EPM2A: variants seen among roughly 807,000 people sequenced by gnomAD.
EPM2A encodes laforin.
EPM2A carries 21 observed loss-of-function variants against 26.5 expected under a neutral mutation model. The observed-to-expected ratio is 0.79, with a 90% CI of 0.56 to 1.14. The LOEUF (loss-of-function observed/expected upper bound fraction) is 1.14. Ranked by LOEUF, EPM2A falls within the 50% of genes most tolerant of loss-of-function variation. The pLI is 0.00. For synonymous variants in EPM2A, 217 were observed against 177.6 expected (o/e 1.22, Z -1.76); for missense variants, 458 against 440.8 (o/e 1.04, Z -0.35).
chr6:145,419,188 C>CG (rs1050162846), intron 4 of EPM2A, among the ~76,000 whole-genome samples: 2 of 150,542 alleles, frequency 1.3e-5, no homozygotes, highest in Non-Finnish European at 3.0e-5. Flanking sequence ...TGTCCCCCCC[C>CG]CCCGCTCCTT....
chr6:145,667,694 G>T (rs971221794), intron 2 of EPM2A, among the ~76,000 whole-genome samples: 59 of 144,694 alleles, frequency 4.1e-4, no homozygotes, highest in African/African-American at 1.6e-3. Flanking sequence ...AAATCATGCT[G>T]CTATAAAGAC....
chr6:145,693,439 C>T (rs1781395010), intron 1 of EPM2A, among the ~76,000 whole-genome samples: 1 of 151,830 alleles, frequency 6.6e-6, no homozygotes, highest in African/African-American at 2.4e-5. Context: ...AAGTCTAATA[C>T]CACATACTCT....
intron 4 of EPM2A, among the ~76,000 whole-genome samples, chr6:145,409,692 T>G (rs1778618242): frequency 6.6e-6 from 1 of 152,184 alleles, no homozygotes; most frequent in South Asian, 2.1e-4. Flanking sequence ...GGAAGTGGAT[T>G]GGCTGGGCTT....
chr6:145,429,632 A>G (rs1276495944), intron 4 of EPM2A, among the ~76,000 whole-genome samples: 1 of 152,196 alleles, frequency 6.6e-6, no homozygotes. Flanking sequence ...AGGATTGCCA[A>G]AATAATGCAA....
At chr6:145,636,899 G>A (rs1776725441) in intron 2 of EPM2A, 1 of 150,826 alleles carries the variant, frequency 6.6e-6, no homozygotes, top group Admixed American at 6.6e-5. Context: ...ACTCCAGCCT[G>A]GGCGATGGGG....
chr6:145,441,128 G>A (rs551366403), intron 4 of EPM2A, among the ~76,000 whole-genome samples: 15 of 152,300 alleles, frequency 9.8e-5, no homozygotes, highest in East Asian at 3.9e-4. Context: ...AAATCTAGAC[G>A]GAAGTTCCCA....
intron 4 of EPM2A, among the ~76,000 whole-genome samples, chr6:145,458,293 T>C (rs1401726349): frequency 6.6e-6 from 1 of 152,178 alleles, no homozygotes; most frequent in African/African-American, 2.4e-5. Context: ...ATTCCCTCTG[T>C]GTTGAGCTCG....
intron 2 of EPM2A, among the ~76,000 whole-genome samples, chr6:145,652,986 T>A (rs1055088131): frequency 1.3e-5 from 2 of 152,234 alleles, no homozygotes; most frequent in African/African-American, 4.8e-5. Flanking sequence ...CAGAACTTGA[T>A]ACTGTGCCAC....
intron 2 of EPM2A, among the ~76,000 whole-genome samples, chr6:145,545,164 T>C (rs538378440): frequency 5.3e-5 from 8 of 151,880 alleles, no homozygotes; most frequent in African/African-American, 1.9e-4. Flanking sequence ...TTTTCCTCCT[T>C]ACATTCACTC....
At chr6:145,688,385 A>C (rs1000313235) in intron 1 of EPM2A, among the ~76,000 whole-genome samples, 3 of 152,212 alleles carry the variant, frequency 2.0e-5, no homozygotes, top group African/African-American at 7.2e-5. Flanking sequence ...GGTGAAGATG[A>C]AAGGGGATTA....
chr6:145,538,749 G>A (rs1780468466), intron 2 of EPM2A, among the ~76,000 whole-genome samples: 1 of 152,192 alleles, frequency 6.6e-6, no homozygotes, highest in South Asian at 2.1e-4. Flanking sequence ...ATTGACCCTA[G>A]GTTTAGCCAG....
At chr6:145,721,976 C>T (rs922614522) in intron 1 of EPM2A, among the ~76,000 whole-genome samples, 2 of 152,092 alleles carry the variant, frequency 1.3e-5, no homozygotes, top group African/African-American at 4.8e-5. Flanking sequence ...TTAATTTGCC[C>T]TAATATTAGA....
intron 2 of EPM2A, among the ~76,000 whole-genome samples, chr6:145,561,074 A>G (rs1456804336): frequency 1.3e-5 from 2 of 151,944 alleles, no homozygotes; most frequent in Non-Finnish European, 2.9e-5. Flanking sequence ...TCCACACCCT[A>G]AATTGTGTGG....
At chr6:145,575,286 C>T (rs768094685) in intron 2 of EPM2A, among the ~76,000 whole-genome samples, 11 of 152,196 alleles carry the variant, frequency 7.2e-5, no homozygotes, top group Non-Finnish European at 1.3e-4. Flanking sequence ...CCAGTTTCAT[C>T]AGGGTCTTCC....
chr6:145,621,902 T>C (rs1275979446), downstream of EPM2A, among the ~76,000 whole-genome samples: 1 of 152,196 alleles, frequency 6.6e-6, no homozygotes, highest in African/African-American at 2.4e-5. Flanking sequence ...CCTTTTCATT[T>C]GTTTTCTTGT....
intron 2 of EPM2A, among the ~76,000 whole-genome samples, chr6:145,582,203 A>G (rs1305946783): frequency 6.6e-6 from 1 of 152,140 alleles, no homozygotes; most frequent in Non-Finnish European, 1.5e-5. Flanking sequence ...TTACCCAGAA[A>G]TCATTCAGGA....
chr6:145,626,328 C>G lies in EPM2A; in HGVS notation c.*1088G>C. 1 of 985,972 alleles carries G rather than the reference C, an allele frequency of 1.0e-6. No individual in the cohort carries two copies. Among genetic ancestry groups the G allele is most frequent in the Non-Finnish European group, 1.2e-6 (1 of 830,092 alleles). The allele number at this position is 985,972 out of a possible 1,614,324, so 61.1% of individuals were successfully genotyped here. A position where few individuals can be genotyped will look rare whatever the true frequency, so the allele number is the denominator to read the frequency against. ...ATATTATACTAAATTGAGAGCTGAG[C>G]CAGGATGGCCAAGGCTGTGAAGCAA... On this transcript the variant is annotated 3_prime_UTR_variant, in exon 4 of 4. Transcript: ENST00000367519.
chr6:145,457,148 A>G (rs948620770), intron 4 of EPM2A, among the ~76,000 whole-genome samples: 1 of 152,220 alleles, frequency 6.6e-6, no homozygotes, highest in Non-Finnish European at 1.5e-5. Context: ...GAAGCACAAA[A>G]TTAATTTGCC....
chr6:145,723,632 T>C (rs1157448573), intron 1 of EPM2A, among the ~76,000 whole-genome samples: 2 of 152,060 alleles, frequency 1.3e-5, no homozygotes, highest in Non-Finnish European at 2.9e-5. Context: ...AAAATAATTG[T>C]TTTTGAATGT....
Sources: allele counts gnomAD v4.1 joint callset (sites outside exome capture counted in the v4.1 genomes callset), GRCh38; gene constraint gnomAD v4.1.1; transcripts MANE v1.5; gene names NCBI Gene and HGNC (gene_info 2026-07-23, HGNC 2026-07-21).